The following FLNB variants were observed in gnomAD, a reference collection of about 807,000 sequenced individuals.
The protein encoded by FLNB is filamin-B.
In FLNB, 111 loss-of-function variants were observed where a neutral mutation model predicts 250.6. The ratio of observed to expected loss-of-function variants is 0.44; its 90% CI spans 0.38 to 0.52. FLNB has a LOEUF of 0.52. Among genes scored for constraint, FLNB ranks in the 20% least tolerant of loss-of-function variants. The probability of loss-of-function intolerance (pLI) is 0.00; values close to 1 mark genes in which losing one functional copy is unlikely to be tolerated. For missense variants in FLNB, 2,869 were observed against 3,447.8 expected, an observed-to-expected ratio of 0.83 and a Z score of 4.20; for synonymous variants, 1,302 against 1,372.1, an observed-to-expected ratio of 0.95 and a Z score of 1.13.
At chr3:58,093,304 T>C (rs2107032386) in intron 4 of FLNB, among the ~76,000 whole-genome samples, 1 of 152,246 alleles carries the variant, frequency 6.6e-6, no homozygotes, top group Middle Eastern at 3.4e-3. Flanking sequence ...GGCACATGGA[T>C]GTGTTCACCA....
rs372960027 is a variant in FLNB, at chr3:58,150,019, C to A, written c.6244+17C>A. The A allele has an allele frequency of 6.2e-7, 1 of 1,614,264 alleles. No individual in the cohort carries two copies. On this transcript the variant is annotated intron_variant, in intron 37 of 45. Transcript: ENST00000295956. Reference sequence around the variant, plus strand: ...ACGTGCCTGGTATGTGCATTCCATTCCCCTCCAGGTGGGATGCTTGGGTTT... The same window carrying A: ...ACGTGCCTGGTATGTGCATTCCATTACCCTCCAGGTGGGATGCTTGGGTTT...
intron 39 of FLNB, 107 bp downstream of exon 39, chr3:58,153,748 A>G: frequency 7.8e-7 from 1 of 1,281,576 alleles, no homozygotes; most frequent in Non-Finnish European, 1.1e-6. Context: ...GACTTCTGAT[A>G]GGTGGCATTA....
At chr3:58,054,807 A>G (rs1179888272) in intron 1 of FLNB, among the ~76,000 whole-genome samples, 1 of 152,176 alleles carries the variant, frequency 6.6e-6, no homozygotes, top group Non-Finnish European at 1.5e-5. Flanking sequence ...TGTAGGTGGG[A>G]AAACTATGGC....
At chr3:58,114,081 G>A (rs192640778) in intron 18 of FLNB, among the ~76,000 whole-genome samples, 9 of 152,154 alleles carry the variant, frequency 5.9e-5, no homozygotes, top group South Asian at 4.2e-4. Context: ...GCATTCCACT[G>A]TATGTATATA....
chr3:58,045,999 C>CAAAAAAAAA (rs34327981), intron 1 of FLNB, among the ~76,000 whole-genome samples: 2 of 68,972 alleles, frequency 2.9e-5, no homozygotes, highest in Non-Finnish European at 2.6e-5. Context: ...ACTCCGTCTC[C>CAAAAAAAAA]AAAAAAAAAA....
chr3:58,126,799 T>C, intron 24 of FLNB, 37 bp downstream of exon 24: 1 of 1,599,188 alleles, frequency 6.3e-7, no homozygotes, highest in Non-Finnish European at 8.6e-7. Flanking sequence ...AGAGAATAAT[T>C]GATTTTGCAG....
chr3:58,044,016 A>G (rs2097149920), intron 1 of FLNB, among the ~76,000 whole-genome samples: 2 of 152,034 alleles, frequency 1.3e-5, no homozygotes, highest in African/African-American at 2.4e-5. Context: ...TCCTGCTATC[A>G]CTGCAGGCAA....
intron 19 of FLNB, among the ~76,000 whole-genome samples, chr3:58,120,884 C>CT (rs1305940731): frequency 3.9e-5 from 6 of 152,304 alleles, no homozygotes; most frequent in African/African-American, 1.2e-4. Flanking sequence ...CTTAACCTCT[C>CT]TGAGCATCAG....
chr3:58,138,824 C>A (rs976829784), intron 29 of FLNB, among the ~76,000 whole-genome samples: 5 of 152,206 alleles, frequency 3.3e-5, no homozygotes, highest in African/African-American at 1.2e-4. Flanking sequence ...CTCAGAAAAA[C>A]ACACCTTTAT....
chr3:58,063,575 G>A (rs1321042678), intron 1 of FLNB, among the ~76,000 whole-genome samples: 1 of 152,154 alleles, frequency 6.6e-6, no homozygotes, highest in Non-Finnish European at 1.5e-5. Context: ...CCTTTCTTGT[G>A]GTTTCCTCCC....
intron 1 of FLNB, among the ~76,000 whole-genome samples, chr3:58,074,988 C>T (rs1390725345): frequency 6.6e-6 from 1 of 152,078 alleles, no homozygotes; most frequent in African/African-American, 2.4e-5. Flanking sequence ...CTGATGATTT[C>T]TCTCTGATGG....
At position 58,105,359 on chromosome 3, in the gene FLNB, C is replaced by T. The variant is rs114712719; in HGVS notation, c.1747+143C>T. ...TCCTGGCCACCCTAAGCCATCTCTG[C>T]GTGCTGCTGTACATTTGCAGTTGCC... On this transcript the variant is annotated intron_variant, in intron 11 of 45. Transcript: ENST00000295956. 174 of 1,008,198 alleles carry T rather than the reference C, an allele frequency of 1.7e-4. No homozygotes were observed. In the African/African-American group the frequency reaches 2.5e-3, roughly 15 times the overall value. 62.5% of individuals were successfully genotyped at this position (1,008,198 alleles called of 1,614,324 possible). A position where few individuals can be genotyped will look rare whatever the true frequency, so the allele number is the denominator to read the frequency against.
chr3:58,109,772 T>C lies in FLNB; in HGVS notation c.2323+73T>C, dbSNP rs548730080. ...GGCAGTTCTTTTCATAACGTTTCAA[T>C]GCCTTTTGAACTAGGAAGTAGTCCA... On this transcript the variant is annotated intron_variant, in intron 15 of 45. Transcript: ENST00000295956. 3,641 of 1,605,016 alleles carry C rather than the reference T, an allele frequency of 2.3e-3. 67 individuals carry two copies. The African/African-American group carries it at 0.036, about 16-fold the overall frequency.
At chr3:58,145,690 A>G (rs561972244) in intron 32 of FLNB, among the ~76,000 whole-genome samples, 2 of 152,262 alleles carry the variant, frequency 1.3e-5, no homozygotes, top group East Asian at 1.9e-4. Context: ...AGCAGCTTCC[A>G]GGATTGTTTT....
chr3:58,148,952 T>G, intron 36 of FLNB, 100 bp downstream of exon 36: 1 of 1,072,664 alleles, frequency 9.3e-7, no homozygotes, highest in Non-Finnish European at 1.4e-6. Context: ...TTTTCCTTTC[T>G]GAGCATCCTT....
intron 43 of FLNB, among the ~76,000 whole-genome samples, chr3:58,166,607 G>C (rs1041285329): frequency 2.6e-5 from 4 of 152,128 alleles, no homozygotes; most frequent in African/African-American, 9.7e-5. Flanking sequence ...GATCACTTGA[G>C]CCTAGGAGTT....
chr3:58,009,011 C>T (rs1247036147), intron 1 of FLNB, among the ~76,000 whole-genome samples, 155 bp downstream of exon 1: 2 of 152,192 alleles, frequency 1.3e-5, no homozygotes, highest in Non-Finnish European at 2.9e-5. Flanking sequence ...GCCTAGACCC[C>T]CTCCCCGGTG....
chr3:58,058,849 T>C (rs1245943448), intron 1 of FLNB, among the ~76,000 whole-genome samples: 1 of 152,258 alleles, frequency 6.6e-6, no homozygotes, highest in African/African-American at 2.4e-5. Context: ...CTGCCAGTTT[T>C]ATAGAATGTA....
At chr3:58,092,880 A>G (rs1424542628) in intron 4 of FLNB, among the ~76,000 whole-genome samples, 1 of 152,186 alleles carries the variant, frequency 6.6e-6, no homozygotes, top group African/African-American at 2.4e-5. Context: ...TGTCCCCCAT[A>G]CTGACAAGTT....
Sources: gnomAD v4.1 joint callset for allele counts (sites outside exome capture counted in the v4.1 genomes callset) on GRCh38, gnomAD v4.1.1 for gene constraint, MANE v1.5 for transcripts, NCBI Gene and HGNC (gene_info 2026-07-23, HGNC 2026-07-21) for gene names.